The following FAXC variants were observed in gnomAD, a reference collection of about 807,000 sequenced individuals.
The protein encoded by FAXC is failed axon connections homolog.
In FAXC, 10 loss-of-function variants were observed where a neutral mutation model predicts 41.9. That is an observed-to-expected ratio of 0.24 (90% CI 0.15 to 0.41). FAXC has a LOEUF of 0.41. Among genes scored for constraint, FAXC ranks in the 10% least tolerant of loss-of-function variants. The pLI is 1.00. For synonymous variants in FAXC, 183 were observed against 183.8 expected (o/e 1.00, Z 0.03); for missense variants, 399 against 510.9 (o/e 0.78, Z 2.11).
intron 4 of FAXC, among the ~76,000 whole-genome samples, chr6:99,306,632 A>G (rs1771931618): frequency 6.6e-6 from 1 of 152,202 alleles, no homozygotes; most frequent in Non-Finnish European, 1.5e-5. Flanking sequence ...TTTAAGAAAA[A>G]GCAGGGATGA....
rs115537181 is a variant in FAXC at position 99,291,928 on chromosome 6, G to C, written c.824-108C>G. 2.2e-3 allele frequency: 1,857 copies of C among 836,524 alleles called. 17 individuals are homozygous for C. In the African/African-American group the frequency reaches 0.026, roughly 12 times the overall value. The allele number at this position is 836,524 out of a possible 1,614,324, so 51.8% of individuals were successfully genotyped here. A position where few individuals can be genotyped will look rare whatever the true frequency, so the allele number is the denominator to read the frequency against. On this transcript the variant is annotated intron_variant, in intron 4 of 5. Coordinates refer to ENST00000389677, the MANE Select transcript of FAXC (RefSeq NM_032511.4). ...CATATTCCTTTACTGATACCAAAAA[G>C]CTTTGCAGAATCGAAATACATGCAC...
intron 3 of FAXC, among the ~76,000 whole-genome samples, chr6:99,326,566 C>T (rs126850): frequency 0.88 from 134,517 of 152,168 alleles, 59,889 homozygotes; most frequent in East Asian, 1. Context: ...ACTCAGGAGA[C>T]AGGTTTAGAC....
At chr6:99,301,739 C>T (rs760991052) in intron 4 of FAXC, among the ~76,000 whole-genome samples, 1 of 152,120 alleles carries the variant, frequency 6.6e-6, no homozygotes, top group Non-Finnish European at 1.5e-5. Context: ...AGATGTAAAA[C>T]CTTTTATCTA....
In FAXC at chr6:99,280,186, T is replaced by C. The variant is rs170263; in HGVS notation, c.*978A>G. ...AATACATGGTAGAATTGAAGACTGT[T>C]TGTAGCTGTCGATAATTTGTAAAAA... On this transcript the variant is annotated 3_prime_UTR_variant, in exon 6 of 6. Coordinates refer to ENST00000389677, the MANE Select transcript of FAXC (RefSeq NM_032511.4). The C allele has an allele frequency of 1.3e-5, 2 of 152,216 alleles. No individual in the cohort carries two copies. The highest frequency in any genetic ancestry group is 6.5e-5 in the Admixed American group (1 of 15,282). 9.4% of individuals were successfully genotyped at this position (152,216 alleles called of 1,614,324 possible).
At chr6:99,327,422 T>C (rs1344415650) in intron 3 of FAXC, among the ~76,000 whole-genome samples, 2 of 152,194 alleles carry the variant, frequency 1.3e-5, no homozygotes, top group Non-Finnish European at 2.9e-5. Context: ...AAAATCACTC[T>C]TGTTCAAGTC....
intron 4 of FAXC, among the ~76,000 whole-genome samples, chr6:99,319,398 CAAAAAAAAAAAAAA>C (rs57370118): frequency 2.1e-5 from 1 of 47,680 alleles, no homozygotes; most frequent in Admixed American, 2.1e-4. Flanking sequence ...GACTCCGTCT[CAAAAAAAAAAAAAA>C]AAAAAAAAAA....
chr6:99,288,347 T>TG (rs1323158605), intron 5 of FAXC, among the ~76,000 whole-genome samples: 1 of 152,052 alleles, frequency 6.6e-6, no homozygotes, highest in African/African-American at 2.4e-5. Context: ...AGTGAGTGTG[T>TG]GGGGGGTTGT....
chr6:99,306,157 T>C (rs1411393689), intron 4 of FAXC, among the ~76,000 whole-genome samples: 1 of 151,928 alleles, frequency 6.6e-6, no homozygotes, highest in Non-Finnish European at 1.5e-5. Flanking sequence ...AGGAAGAGAA[T>C]TCCAGGCAGG....
intron 4 of FAXC, among the ~76,000 whole-genome samples, chr6:99,316,756 A>G (rs1772372805): frequency 6.6e-6 from 1 of 152,220 alleles, no homozygotes. Flanking sequence ...CTGTTCTCTG[A>G]GAATATTTTC....
At chr6:99,322,052 A>G (rs143511507) in intron 4 of FAXC, among the ~76,000 whole-genome samples, 1 of 152,340 alleles carries the variant, frequency 6.6e-6, no homozygotes, top group East Asian at 1.9e-4. Flanking sequence ...TTAAGTTTCC[A>G]AAGGAATGAG....
intron 5 of FAXC, among the ~76,000 whole-genome samples, chr6:99,285,463 AAAAC>A (rs1169450075): frequency 6.6e-6 from 1 of 152,218 alleles, no homozygotes; most frequent in South Asian, 2.1e-4. Flanking sequence ...AAAAACAGTG[AAAAC>A]AAACAAACTG....
chr6:99,342,946 G>A lies in FAXC; in HGVS notation c.354C>T (p.Phe118=). Residue 118 remains phenylalanine, a synonymous_variant, in exon 2 of 6, where the codon TTC becomes TTT. Coordinates refer to ENST00000389677, the MANE Select transcript of FAXC (RefSeq NM_032511.4). ...PNNGVPSLSP[F]CLKMETYLRM... ...TTAAATAAGTTTCCATCTTTAAACA[G>A]AAAGGAGATAAACTTGGAACACCAT... 6.2e-7 allele frequency: 1 copy of A among 1,612,356 alleles called. No individual in the cohort carries two copies.
chr6:99,291,131 G>A (rs1427563687), intron 5 of FAXC, among the ~76,000 whole-genome samples: 1 of 152,180 alleles, frequency 6.6e-6, no homozygotes, highest in Non-Finnish European at 1.5e-5. Context: ...CTTAGTGAAT[G>A]ATCTATAGCC....
At position 99,342,852 on chromosome 6, in the gene FAXC, CCT is replaced by C. The variant is rs1562187923; in HGVS notation, c.402+44_402+45del. 4.5e-6 allele frequency: 7 copies of C among 1,550,042 alleles called. No homozygotes were observed. The Admixed American group carries it at 9.8e-5, about 22-fold the overall frequency. On this transcript the variant is annotated intron_variant, in intron 2 of 5. Transcript: ENST00000389677. Reference sequence around the variant, plus strand: ...CCCCCCTTTAGTTAAATACTCATCCCCTGATACTGATGTCATAAAAAGAAAAC... The same window carrying C: ...CCCCCCTTTAGTTAAATACTCATCCCGATACTGATGTCATAAAAAGAAAAC...
chr6:99,346,249 G>A (rs1562189970), intron 1 of FAXC, among the ~76,000 whole-genome samples: 1 of 152,072 alleles, frequency 6.6e-6, no homozygotes, highest in Non-Finnish European at 1.5e-5. Context: ...TTCCTGCCTG[G>A]TTTTTTTCCC....
At chr6:99,325,611 A>T (rs1582670015) in intron 3 of FAXC, among the ~76,000 whole-genome samples, 1 of 152,248 alleles carries the variant, frequency 6.6e-6, no homozygotes, top group East Asian at 1.9e-4. Flanking sequence ...ATAGACATGG[A>T]AACGAAATGC....
At chr6:99,323,323 T>G (rs1562174729) in intron 4 of FAXC, 121 bp downstream of exon 4, 1 of 825,122 alleles carries the variant, frequency 1.2e-6, no homozygotes, top group African/African-American at 1.7e-5. Flanking sequence ...GACTGCAATC[T>G]ACACATGGAA....
At chr6:99,294,882 T>C (rs1446980113) in intron 4 of FAXC, among the ~76,000 whole-genome samples, 1 of 152,132 alleles carries the variant, frequency 6.6e-6, no homozygotes. Context: ...CTGGCCAAAA[T>C]TCGCCATCTG....
chr6:99,349,830 G>A (rs1472538280), upstream of FAXC, among the ~76,000 whole-genome samples: 3 of 152,068 alleles, frequency 2.0e-5, no homozygotes, highest in Non-Finnish European at 2.9e-5. Context: ...CGCGCCTCCG[G>A]GCGGCACGCC....
Sources: gnomAD v4.1 joint callset for allele counts (sites outside exome capture counted in the v4.1 genomes callset) on GRCh38, gnomAD v4.1.1 for gene constraint, MANE v1.5 for transcripts, NCBI Gene and HGNC (gene_info 2026-07-23, HGNC 2026-07-21) for gene names.